STARD13: variants seen among roughly 807,000 people sequenced by gnomAD.
STARD13 encodes stAR-related lipid transfer protein 13.
A neutral mutation model predicts 106.4 loss-of-function variants in STARD13; 62 were observed. The observed-to-expected ratio is 0.58, with a 90% CI of 0.48 to 0.72. The LOEUF (loss-of-function observed/expected upper bound fraction) is 0.72. STARD13 is among the 30% of genes least tolerant of loss of function. STARD13 has a pLI of 0.00. For missense variants in STARD13, 1,387 were observed against 1,424.0 expected, an observed-to-expected ratio of 0.97 and a Z score of 0.42; for synonymous variants, 565 against 553.0, an observed-to-expected ratio of 1.02 and a Z score of -0.31.
intron 1 of STARD13, among the ~76,000 whole-genome samples, chr13:33,268,299 C>G (rs186958444): frequency 6.6e-6 from 1 of 152,324 alleles, no homozygotes; most frequent in Non-Finnish European, 1.5e-5. Context: ...ATTTCAGATT[C>G]ACTAGGATTG....
chr13:33,638,902 G>A, the STARD13 span, among the ~76,000 whole-genome samples: 1 of 151,922 alleles, frequency 6.6e-6, no homozygotes, highest in Non-Finnish European at 1.5e-5. Flanking sequence ...TTGTGGTTAT[G>A]TTTTATTTAT....
rs117472663 is a variant in STARD13, at chr13:33,326,359, C to T, written c.124+23931G>A. ...GTGCACTAGAGTTTTACAAAGAGGCCATTAAGGTAAGAAGCTAAATTTGAA... is the reference window on the plus strand; with the variant it reads ...GTGCACTAGAGTTTTACAAAGAGGCTATTAAGGTAAGAAGCTAAATTTGAA... On this transcript the variant is annotated intron_variant, in intron 1 of 5. Transcript: ENST00000567873. 2.6e-4 allele frequency among the ~76,000 whole-genome samples: 40 copies of T among 152,210 alleles called. 1 individual carries two copies. The East Asian group carries it at 7.3e-3, about 28-fold the overall frequency.
chr13:33,390,581 T>A, the STARD13 span, among the ~76,000 whole-genome samples: 1 of 152,172 alleles, frequency 6.6e-6, no homozygotes, highest in Non-Finnish European at 1.5e-5. Context: ...AATAAATGAA[T>A]GCAAATCTAA....
the STARD13 span, among the ~76,000 whole-genome samples, chr13:33,586,995 C>G: frequency 7.9e-5 from 12 of 152,254 alleles, no homozygotes; most frequent in East Asian, 2.3e-3. Context: ...GGCTGGATCA[C>G]CTGAGGTCAG....
chr13:33,582,776 C>T, the STARD13 span, among the ~76,000 whole-genome samples: 1 of 152,198 alleles, frequency 6.6e-6, no homozygotes, highest in Non-Finnish European at 1.5e-5. Context: ...TCAACCTAAC[C>T]ACTTTTTCAC....
chr13:33,303,593 G>A (rs971149819), intron 1 of STARD13, among the ~76,000 whole-genome samples: 2 of 152,172 alleles, frequency 1.3e-5, no homozygotes, highest in African/African-American at 4.8e-5. Flanking sequence ...TCCTCAAAGA[G>A]CCTGAAGTCA....
chr13:33,247,872 AC>A (rs1889908763), intron 1 of STARD13, among the ~76,000 whole-genome samples: 1 of 151,984 alleles, frequency 6.6e-6, no homozygotes, highest in African/African-American at 2.4e-5. Flanking sequence ...GTGCCCAGAC[AC>A]CCCAGGTTTT....
intron 1 of STARD13, among the ~76,000 whole-genome samples, chr13:33,219,432 T>C (rs1888218806): frequency 7.3e-6 from 1 of 136,196 alleles, no homozygotes; most frequent in South Asian, 2.3e-4. Flanking sequence ...AGTATAAAAA[T>C]AGGTCGGATG....
chr13:33,259,353 A>T (rs1890524422), intron 1 of STARD13, among the ~76,000 whole-genome samples: 1 of 152,232 alleles, frequency 6.6e-6, no homozygotes, highest in Non-Finnish European at 1.5e-5. Context: ...AGAGAAGCAT[A>T]TATCAGTAAG....
chr13:33,275,875 C>T (rs1217187315), intron 1 of STARD13: 4 of 152,224 alleles, frequency 2.6e-5, no homozygotes, highest in Non-Finnish European at 2.9e-5. Flanking sequence ...CTGTACACCC[C>T]GTGCTACCAT....
At chr13:33,535,697 C>A in the STARD13 span, among the ~76,000 whole-genome samples, 1 of 152,172 alleles carries the variant, frequency 6.6e-6, no homozygotes, top group Non-Finnish European at 1.5e-5. Context: ...AACTTACATT[C>A]TTTCTCTTAC....
At chr13:33,507,950 T>C in the STARD13 span, among the ~76,000 whole-genome samples, 1 of 152,012 alleles carries the variant, frequency 6.6e-6, no homozygotes, top group Non-Finnish European at 1.5e-5. Context: ...GTCTCAGGGG[T>C]GGCAGAGGTG....
chr13:33,127,210 C>T (rs2764617), intron 6 of STARD13, among the ~76,000 whole-genome samples, 163 bp downstream of exon 6: 119,726 of 152,286 alleles, frequency 0.79, 47,179 homozygotes, highest in East Asian at 0.8. Flanking sequence ...GTAGGGTCCA[C>T]TGCATCGAGG....
At chr13:33,448,735 G>A in the STARD13 span, among the ~76,000 whole-genome samples, 1 of 152,012 alleles carries the variant, frequency 6.6e-6, no homozygotes, top group South Asian at 2.1e-4. Flanking sequence ...ATGTGTAAGG[G>A]TCCCCTTTTC....
At chr13:33,418,653 C>A in the STARD13 span, among the ~76,000 whole-genome samples, 2 of 152,202 alleles carry the variant, frequency 1.3e-5, no homozygotes, top group Non-Finnish European at 2.9e-5. Flanking sequence ...GGTCCCTGAC[C>A]CCCGTGTAGC....
At chr13:33,675,279 G>A in the STARD13 span, among the ~76,000 whole-genome samples, 1 of 152,180 alleles carries the variant, frequency 6.6e-6, no homozygotes, top group African/African-American at 2.4e-5. Context: ...GAGTGAATGA[G>A]CACCTACCCT....
intron 1 of STARD13, among the ~76,000 whole-genome samples, chr13:33,228,840 G>A (rs1180107023): frequency 6.6e-6 from 1 of 152,144 alleles, no homozygotes; most frequent in African/African-American, 2.4e-5. Flanking sequence ...GATTAGACAC[G>A]AGTAAGACAA....
chr13:33,624,632 C>A, the STARD13 span, among the ~76,000 whole-genome samples: 7 of 152,368 alleles, frequency 4.6e-5, no homozygotes, highest in African/African-American at 1.4e-4. Context: ...CACTCAGATG[C>A]AGCTTTTATT....
the STARD13 span, among the ~76,000 whole-genome samples, chr13:33,661,002 A>G: frequency 6.6e-6 from 1 of 152,326 alleles, no homozygotes; most frequent in Non-Finnish European, 1.5e-5. Context: ...AATTTTTATA[A>G]ATAGATTCCA....
Sources: allele counts gnomAD v4.1 joint callset (sites outside exome capture counted in the v4.1 genomes callset), GRCh38; gene constraint gnomAD v4.1.1; transcripts MANE v1.5; gene names NCBI Gene and HGNC (gene_info 2026-07-23, HGNC 2026-07-21).